MXRA8: variants seen among roughly 807,000 people sequenced by gnomAD.
MXRA8 encodes the protein matrix remodeling associated 8.
A neutral mutation model predicts 51.4 loss-of-function variants in MXRA8; 44 were observed. The observed-to-expected ratio is 0.86, with a 90% confidence interval of 0.67 to 1.10. The LOEUF (loss-of-function observed/expected upper bound fraction) is 1.10. Among genes scored for constraint, MXRA8 ranks in the 50% least tolerant of loss-of-function variants. MXRA8 has a pLI of 0.00. For missense variants in MXRA8, 765 were observed against 638.9 expected (o/e 1.20, Z -2.13); for synonymous variants, 369 against 293.5 (o/e 1.26, Z -2.63).
At chr1:1,360,345 G>T (rs1035482736), upstream of MXRA8, among the ~76,000 whole-genome samples, 1 of 152,200 alleles carries the variant, frequency 6.6e-6, no homozygotes, top group Non-Finnish European at 1.5e-5. Flanking sequence ...AGGCCATCAG[G>T]CCCCTTCCCT....
At chr1:1,361,141 A>C, upstream of MXRA8, 1 of 698,936 alleles carries the variant, frequency 1.4e-6, no homozygotes, top group Non-Finnish European at 2.6e-6. Context: ...ACGGACACAC[A>C]GAGAAGATAC....
At chr1:1,357,470 C>T (rs941142428) in intron 1 of MXRA8, among the ~76,000 whole-genome samples, 4 of 152,130 alleles carry the variant, frequency 2.6e-5, no homozygotes, top group East Asian at 1.9e-4. Flanking sequence ...CCACAGTCAG[C>T]GTGGCCCCAC....
At chr1:1,360,402 C>G (rs1476819375), upstream of MXRA8, among the ~76,000 whole-genome samples, 4 of 152,024 alleles carry the variant, frequency 2.6e-5, no homozygotes, top group Non-Finnish European at 5.9e-5. Flanking sequence ...CAGAGAAGAG[C>G]AGGCCTGGTA....
upstream of MXRA8, among the ~76,000 whole-genome samples, chr1:1,360,716 A>C (rs1350944971): frequency 6.6e-6 from 1 of 152,136 alleles, no homozygotes; most frequent in African/African-American, 2.4e-5. Context: ...CACGGCCCGC[A>C]CTGAGGATCT....
chr1:1,353,507 C>A lies in MXRA8; in HGVS notation c.*97G>T. On this transcript the variant is annotated 3_prime_UTR_variant, in exon 10 of 10. Coordinates refer to ENST00000309212, the MANE Select transcript of MXRA8 (RefSeq NM_032348.4). Reference sequence around the variant, plus strand: ...AATTCCAGGAAAGCGGGACCAGCCGCTGGAAGGGGGGTGAGCCCCGGAGCA... The same window carrying A: ...AATTCCAGGAAAGCGGGACCAGCCGATGGAAGGGGGGTGAGCCCCGGAGCA... 2.0e-6 allele frequency: 3 copies of A among 1,511,230 alleles called. No individual in the cohort carries two copies. In the South Asian group the frequency reaches 3.8e-5, roughly 19 times the overall value. 93.6% of individuals were successfully genotyped at this position (1,511,230 alleles called of 1,614,324 possible).
chr1:1,354,722 A>G lies in MXRA8; in HGVS notation c.909T>C (p.Ser303=). Residue 303 remains serine, a synonymous_variant, in exon 5 of 10, where the codon TCT becomes TCC. Transcript: ENST00000309212. Reference sequence around the variant, plus strand: ...CGCTGTGGCTGGAGCCGTTGCCCGGAGAGCCCCGGGGGGGCGGCTCCGCGT... The same window carrying G: ...CGCTGTGGCTGGAGCCGTTGCCCGGGGAGCCCCGGGGGGGCGGCTCCGCGT... ...EPHAEPPPRG[S]PGNGSSHSGA... is the part of the protein sequence containing the mutation. The G allele has an allele frequency of 1.2e-6, 2 of 1,604,068 alleles. No individual in the cohort carries two copies.
upstream of MXRA8, chr1:1,361,499 A>G: frequency 7.0e-6 from 4 of 572,530 alleles, no homozygotes; most frequent in South Asian, 7.9e-5. Context: ...CCTCTGTGAC[A>G]GCAAATGCCA....
rs779968878 is a variant in MXRA8 at position 1,355,106 on chromosome 1, C to G, written c.525G>C (p.Ala175=). 2 of 1,529,318 alleles carry G rather than the reference C, an allele frequency of 1.3e-6. No homozygotes were observed. Among genetic ancestry groups the G allele is most frequent in the South Asian group, 2.5e-5 (2 of 79,378 alleles). The allele number at this position is 1,529,318 out of a possible 1,614,324, so 94.7% of individuals were successfully genotyped here. The change falls in exon 5 of 10, where the codon GCG becomes GCC. Residue 175 remains alanine (A), a synonymous_variant. Transcript: ENST00000309212. ...AYWDGEKEVL[A]VARGAPALLT... is the part of the protein sequence containing the mutation. ...GAAGCGCGGGTGCGCCGCGCGCCAC[C>G]GCCAGCACCTCCTTCTCGCCGTCCC...
Position 1,354,027 on chromosome 1 carries a change from C to T in MXRA8, c.1222+3G>A. 1 of 1,612,898 alleles carries T rather than the reference C, an allele frequency of 6.2e-7. No homozygotes were observed. The highest frequency in any genetic ancestry group is 8.5e-7 in the Non-Finnish European group (1 of 1,179,936). On this transcript the variant is annotated splice_donor_region_variant and intron_variant, in intron 8 of 9. Transcript: ENST00000309212. ...GTGCCCTCGTGTCCCAGCACTGCCT[C>T]ACCTAGCTGGATGTCCTCACTCCTG...
chr1:1,353,640 AGGGC>A lies in MXRA8; in HGVS notation c.1304-15_1304-12del, dbSNP rs1309890669. 1 of 1,564,608 alleles carries A rather than the reference AGGGC, an allele frequency of 6.4e-7. No individual in the cohort carries two copies. The highest frequency in any genetic ancestry group is 8.7e-7 in the Non-Finnish European group (1 of 1,153,716). Reference sequence around the variant, plus strand: ...TCTCCTTCCGGAACCCTGGAAGCCAAGGGCGCCAACGGGTTGGCGGCTGTCCTCC... The same window carrying A: ...TCTCCTTCCGGAACCCTGGAAGCCAAGCCAACGGGTTGGCGGCTGTCCTCC... On this transcript the variant is annotated splice_polypyrimidine_tract_variant and intron_variant, in intron 9 of 9. Coordinates refer to ENST00000309212, the MANE Select transcript of MXRA8 (RefSeq NM_032348.4).
At chr1:1,354,254 G>A (rs778816867) in intron 6 of MXRA8, 22 bp from the exon 7 acceptor site, 3 of 1,610,432 alleles carry the variant, frequency 1.9e-6, no homozygotes, top group Non-Finnish European at 2.5e-6. Context: ...ACTCACATTG[G>A]GGGCAGTGCC....
intron 1 of MXRA8, among the ~76,000 whole-genome samples, chr1:1,357,893 C>G (rs1028507371): frequency 6.6e-6 from 1 of 152,202 alleles, no homozygotes; most frequent in African/African-American, 2.4e-5. Context: ...TCTCTCTCCA[C>G]TTTCCCTGGC....
At position 1,358,530 on chromosome 1, in the gene MXRA8, T is replaced by TC. The variant is rs1357885791; in HGVS notation, c.-27dup. On this transcript the variant is annotated 5_prime_UTR_variant, in exon 1 of 10. Coordinates refer to ENST00000309212, the MANE Select transcript of MXRA8 (RefSeq NM_032348.4). ...GGCCCCCGCCCAGCCCCAGGCTTTG[T>TC]CCCACTCGGCTCTAAGTCTCTCTCC... 6.2e-7 allele frequency: 1 copy of TC among 1,608,852 alleles called. No homozygotes were observed. The highest frequency in any genetic ancestry group is 8.5e-7 in the Non-Finnish European group (1 of 1,177,622).
intron 2 of MXRA8, among the ~76,000 whole-genome samples, 168 bp from the exon 3 acceptor site, chr1:1,355,920 C>A: frequency 8.3e-6 from 1 of 120,582 alleles, no homozygotes; most frequent in African/African-American, 3.3e-5. Context: ...GTGGGGCAGA[C>A]CCCCGAGGGC....
chr1:1,360,307 G>T (rs905603329), upstream of MXRA8, among the ~76,000 whole-genome samples: 12 of 152,212 alleles, frequency 7.9e-5, no homozygotes, highest in African/African-American at 2.7e-4. Flanking sequence ...CCCCCATGGG[G>T]CCCTGGGCAA....
chr1:1,356,796 C>G (rs1475828760), intron 1 of MXRA8, 92 bp from the exon 2 acceptor site: 1 of 1,169,898 alleles, frequency 8.5e-7, no homozygotes, highest in Non-Finnish European at 1.1e-6. Flanking sequence ...TCCTGTAGTC[C>G]CAAAGTGGAT....
chr1:1,361,549 G>A (rs938092817), upstream of MXRA8: 11 of 517,694 alleles, frequency 2.1e-5, no homozygotes, highest in African/African-American at 1.9e-4. Flanking sequence ...GCAGCCAGTG[G>A]CGGGGCTGCC....
chr1:1,356,578 G>T, intron 2 of MXRA8, 103 bp downstream of exon 2: 1 of 772,890 alleles, frequency 1.3e-6, no homozygotes, highest in Non-Finnish European at 1.8e-6. Flanking sequence ...GGGGGAATCA[G>T]TGGGGGAGGG....
upstream of MXRA8, among the ~76,000 whole-genome samples, chr1:1,362,180 C>T (rs552320948): frequency 5.3e-5 from 8 of 152,280 alleles, no homozygotes; most frequent in South Asian, 2.1e-4. Context: ...GATCCCAGAT[C>T]GGTTGTCGGA....
Sources: allele counts gnomAD v4.1 joint callset (sites outside exome capture counted in the v4.1 genomes callset), GRCh38; gene constraint gnomAD v4.1.1; transcripts MANE v1.5; gene names NCBI Gene and HGNC (gene_info 2026-07-23, HGNC 2026-07-21).